ABCC6: variants seen among roughly 807,000 people sequenced by gnomAD.
The protein encoded by ABCC6 is ATP-binding cassette sub-family C member 6.
Under a neutral mutation model 169.5 loss-of-function variants are expected in ABCC6, and 126 were observed. The ratio of observed to expected loss-of-function variants is 0.74; its 90% confidence interval spans 0.64 to 0.86. The LOEUF is 0.86. Ranked by LOEUF, ABCC6 falls within the 40% of genes least tolerant of loss-of-function variation. The probability of loss-of-function intolerance (pLI) is 0.00; values close to 1 mark genes in which losing one functional copy is unlikely to be tolerated. For synonymous variants in ABCC6, 752 were observed against 814.7 expected, an observed-to-expected ratio of 0.92 and a Z score of 1.31; for missense variants, 1,733 against 1,927.2, an observed-to-expected ratio of 0.90 and a Z score of 1.89.
At chr16:16,182,958 C>T in intron 15 of ABCC6, 28 bp from the exon 16 acceptor site, 1 of 1,614,142 alleles carries the variant, frequency 6.2e-7, no homozygotes. Flanking sequence ...GAGACATGAC[C>T]TTGGTTAGGG....
At position 16,169,780 on chromosome 16, in the gene ABCC6, AAGAGGAAGAGTGCGT is replaced by A; in HGVS notation, c.2846_2860del (p.Tyr949_Leu953del). On this transcript the variant is annotated inframe_deletion, in exon 22 of 31. Coordinates refer to ENST00000205557, the MANE Select transcript of ABCC6 (RefSeq NM_001171.6). ...GAAGGAGGCCACTTGCTGGCAGAGG[AAGAGGAAGAGTGCGT>A]AGAGGCAGAGGGGGGTGCCCACGGC... The A allele has an allele frequency of 6.3e-7, 1 of 1,589,556 alleles. No homozygotes were observed. The highest frequency in any genetic ancestry group is 8.6e-7 in the Non-Finnish European group (1 of 1,168,514).
At chr16:16,190,093 T>C in intron 12 of ABCC6, 71 bp downstream of exon 12, 1 of 1,553,118 alleles carries the variant, frequency 6.4e-7, no homozygotes. Flanking sequence ...GGGCTCCACC[T>C]ACCTCACCCT....
chr16:16,174,179 A>T (rs983256438), intron 20 of ABCC6, among the ~76,000 whole-genome samples: 5 of 152,204 alleles, frequency 3.3e-5, no homozygotes, highest in African/African-American at 1.2e-4. Flanking sequence ...TTTTCCCCGT[A>T]CATAGTGAAC....
At position 16,188,898 on chromosome 16, in the gene ABCC6, A is replaced by C; in HGVS notation, c.1712T>G (p.Leu571Arg). Residue 571 changes from leucine to arginine, a missense_variant, in exon 13 of 31, where the codon CTC becomes CGC. By Grantham distance (102) the Leu-to-Arg change is moderately radical. This residue lies in a region of ABCC6 where 1,601 missense variants were observed against 1,635.5 expected (regional missense o/e 0.98). Transcript: ENST00000205557. ...AMNAEKAFVT[L>R]TVLNILNKAQ... ...CTTGTTGAGGATGTTGAGAACTGTG[A>C]GAGTCACAAAGGCTTTCTCTGCATT... 1 of 1,614,146 alleles carries C rather than the reference A, an allele frequency of 6.2e-7. No individual in the cohort carries two copies. Among genetic ancestry groups the C allele is most frequent in the Non-Finnish European group, 8.5e-7 (1 of 1,180,012 alleles).
intron 4 of ABCC6, 79 bp downstream of exon 4, chr16:16,219,475 G>A: frequency 5.0e-6 from 5 of 993,332 alleles, no homozygotes; most frequent in Non-Finnish European, 7.5e-6. Flanking sequence ...GTTGTATGTG[G>A]AAACAGGAGG....
At chr16:16,210,727 G>C (rs1403620264) in intron 6 of ABCC6, among the ~76,000 whole-genome samples, 1 of 152,206 alleles carries the variant, frequency 6.6e-6, no homozygotes, top group African/African-American at 2.4e-5. Flanking sequence ...CCCCCCAGTA[G>C]AGCTGTTTCG....
rs1316018741 is a variant in ABCC6, at chr16:16,155,588, C to T, written c.3883-557G>A. On this transcript the variant is annotated intron_variant, in intron 27 of 30. Coordinates refer to ENST00000205557, the MANE Select transcript of ABCC6 (RefSeq NM_001171.6). ...TCTCCCATCCATCCATCCAGTCCAT[C>T]CTTCCCTCATCCATCCTTCCATTCA... 1.9e-5 allele frequency: 3 copies of T among 162,150 alleles called. No homozygotes were observed. The East Asian group carries it at 5.3e-4, about 29-fold the overall frequency. The allele number at this position is 162,150 out of a possible 1,614,324, so 10.0% of individuals were successfully genotyped here.
chr16:16,179,086 A>G, intron 17 of ABCC6, 121 bp from the exon 18 acceptor site: 1 of 1,126,384 alleles, frequency 8.9e-7, no homozygotes, highest in Non-Finnish European at 1.3e-6. Flanking sequence ...CAACATGCCT[A>G]TTCCCTGGGG....
chr16:16,199,700 C>A (rs1315598540), intron 9 of ABCC6, among the ~76,000 whole-genome samples: 1 of 129,388 alleles, frequency 7.7e-6, no homozygotes, highest in Non-Finnish European at 1.8e-5. Flanking sequence ...GAAAATACAG[C>A]TGTGAACAAC....
chr16:16,167,966 G>A (rs927096101), intron 22 of ABCC6, among the ~76,000 whole-genome samples: 20 of 152,194 alleles, frequency 1.3e-4, no homozygotes, highest in Admixed American at 3.3e-4. Context: ...CTGACTCTGA[G>A]AATCCCTAAT....
chr16:16,152,733 G>C lies in ABCC6; in HGVS notation c.4208+1895C>G, dbSNP rs28414938. Among the ~76,000 whole-genome samples, 349 of 112,826 alleles carry C rather than the reference G, an allele frequency of 3.1e-3. 3 individuals carry two copies. Among genetic ancestry groups the C allele is most frequent in the African/African-American group, 0.011 (323 of 29,464 alleles). 74.0% of individuals were successfully genotyped at this position (112,826 alleles called of 152,430 possible). On this transcript the variant is annotated intron_variant, in intron 29 of 30. Transcript: ENST00000205557. ...GTGGCAGGGCGGGGCGGGGGTGGGGGTGTGGGGTGGGGGGCCTGGATTTGA... is the reference window on the plus strand; with the variant it reads ...GTGGCAGGGCGGGGCGGGGGTGGGGCTGTGGGGTGGGGGGCCTGGATTTGA...
intron 25 of ABCC6, among the ~76,000 whole-genome samples, chr16:16,160,182 T>A (rs940027523): frequency 6.6e-6 from 1 of 152,094 alleles, no homozygotes; most frequent in African/African-American, 2.4e-5. Context: ...CTAAGTCACC[T>A]CCTCAGAGAG....
chr16:16,204,842 T>C (rs1234301454), intron 7 of ABCC6, among the ~76,000 whole-genome samples: 3 of 150,976 alleles, frequency 2.0e-5, no homozygotes, highest in Admixed American at 6.6e-5. Context: ...CTTTTCTTTT[T>C]TTTTTTTTTT....
At chr16:16,162,962 G>T in intron 24 of ABCC6, 31 bp downstream of exon 24, 1 of 1,613,508 alleles carries the variant, frequency 6.2e-7, no homozygotes, top group Non-Finnish European at 8.5e-7. Flanking sequence ...TGGATGAATT[G>T]CAAGGTCTTC....
chr16:16,202,834 G>C (rs903076488), intron 8 of ABCC6, among the ~76,000 whole-genome samples: 6 of 152,212 alleles, frequency 3.9e-5, no homozygotes, highest in Non-Finnish European at 5.9e-5. Flanking sequence ...TTGAATCTGG[G>C]CTGGCTACAA....
At chr16:16,160,618 CTG>C (rs1156862040) in intron 25 of ABCC6, among the ~76,000 whole-genome samples, 10 of 85,556 alleles carry the variant, frequency 1.2e-4, no homozygotes, top group Non-Finnish European at 1.7e-4. Context: ...CATGGTGAAA[CTG>C]TTTCTACCAA....
At chr16:16,155,241 T>C (rs1025651918) in intron 27 of ABCC6, 8 of 625,984 alleles carry the variant, frequency 1.3e-5, no homozygotes, top group Non-Finnish European at 1.9e-5. Context: ...TATCTTTCCC[T>C]TATCCTGATA....
At chr16:16,199,760 G>T (rs1023336241) in intron 9 of ABCC6, among the ~76,000 whole-genome samples, 1 of 141,294 alleles carries the variant, frequency 7.1e-6, no homozygotes. Context: ...GGGGAACAAG[G>T]CTCTATAATA....
At chr16:16,190,943 G>A (rs1399239982) in intron 11 of ABCC6, among the ~76,000 whole-genome samples, 1 of 138,856 alleles carries the variant, frequency 7.2e-6, no homozygotes, top group East Asian at 2.3e-4. Flanking sequence ...TAGGGGGGTG[G>A]CGGGGGCACC....
Sources: allele counts gnomAD v4.1 joint callset (sites outside exome capture counted in the v4.1 genomes callset), GRCh38; gene constraint gnomAD v4.1.1; regional missense constraint gnomAD v4.1.1; transcripts MANE v1.5; gene names NCBI Gene and HGNC (gene_info 2026-07-23, HGNC 2026-07-21).